Variants in PMVK observed in about 807,000 individuals in gnomAD.
PMVK encodes testis tissue sperm-binding protein Li 95mP.
A neutral mutation model predicts 19.0 loss-of-function variants in PMVK; 10 were observed. The ratio of observed to expected loss-of-function variants is 0.53; its 90% confidence interval spans 0.32 to 0.89. PMVK has a LOEUF of 0.89. Ranked by LOEUF, PMVK falls within the 40% of genes least tolerant of loss-of-function variation. PMVK has a pLI of 0.03. For missense variants in PMVK, 222 were observed against 251.1 expected, an observed-to-expected ratio of 0.88 and a Z score of 0.78; for synonymous variants, 108 against 101.6, an observed-to-expected ratio of 1.06 and a Z score of -0.38.
At chr1:154,941,342 T>G (rs972879020), upstream of PMVK, among the ~76,000 whole-genome samples, 12 of 151,944 alleles carry the variant, frequency 7.9e-5, no homozygotes, top group African/African-American at 2.9e-4. Context: ...CTGGGAGAGG[T>G]GGGACAGGGA....
At chr1:154,940,166 C>T (rs1425085095), upstream of PMVK, among the ~76,000 whole-genome samples, 3 of 152,222 alleles carry the variant, frequency 2.0e-5, no homozygotes, top group African/African-American at 7.2e-5. Context: ...CCTGTTTGAC[C>T]CATGGGCAAT....
chr1:154,932,150 T>C lies in PMVK; in HGVS notation c.159+202A>G, dbSNP rs74116251. 0.025 allele frequency among the ~76,000 whole-genome samples: 3,830 copies of C among 152,160 alleles called. 166 individuals carry two copies. Among genetic ancestry groups the C allele is most frequent in the African/African-American group, 0.089 (3,692 of 41,486 alleles). On this transcript the variant is annotated intron_variant, in intron 2 of 4. Transcript: ENST00000368467. The stretch of plus-strand genomic sequence containing the variant: ...CCTGGGCACACCTTCCTGAACTCAC[T>C]CTGAAGGGAGGGAGGCTATTAGGAA...
intron 1 of PMVK, among the ~76,000 whole-genome samples, chr1:154,934,450 G>C (rs1654439466): frequency 6.6e-6 from 1 of 152,116 alleles, no homozygotes; most frequent in Admixed American, 6.6e-5. Context: ...CTGAGTATCT[G>C]GGATTACTGG....
At chr1:154,935,460 A>C (rs920168677) in intron 1 of PMVK, among the ~76,000 whole-genome samples, 1 of 152,234 alleles carries the variant, frequency 6.6e-6, no homozygotes, top group Admixed American at 6.5e-5. Context: ...TTGCTTTGAC[A>C]GAAAACACTG....
intron 2 of PMVK, among the ~76,000 whole-genome samples, chr1:154,930,870 A>G (rs187311207): frequency 4.4e-4 from 67 of 152,270 alleles, no homozygotes; most frequent in African/African-American, 1.4e-3. Context: ...GGATCACTTG[A>G]GCCCAGGAGT....
chr1:154,926,311 G>A (rs769650160), intron 4 of PMVK, 43 bp downstream of exon 4: 2 of 1,584,118 alleles, frequency 1.3e-6, no homozygotes, highest in Non-Finnish European at 1.7e-6. Context: ...CCACAGGGTG[G>A]GTAGCCTGTG....
At chr1:154,927,581 C>T (rs551326378) in intron 3 of PMVK, among the ~76,000 whole-genome samples, 2 of 151,992 alleles carry the variant, frequency 1.3e-5, no homozygotes, top group South Asian at 4.2e-4. Context: ...CTCTCCTCTG[C>T]TTAGAACGCT....
rs765778315 is a variant in PMVK, at chr1:154,929,057, C to T, written c.279G>A (p.Arg93=). 1.2e-6 allele frequency: 2 copies of T among 1,614,086 alleles called. No individual in the cohort carries two copies. Among genetic ancestry groups the T allele is most frequent in the African/African-American group, 2.7e-5 (2 of 74,936 alleles). Residue 93 remains arginine, a synonymous_variant, in exon 3 of 5, where the codon AGG becomes AGA. Transcript: ENST00000368467. The stretch of plus-strand genomic sequence containing the variant: ...GCTGGGAGATGCCCTCCACAATCTT[C>T]CTGCAAAAGAAGCCTGGGTCAGCCT... The part of the protein sequence containing the change: ...KRQADPGFFC[R]KIVEGISQPI...
At chr1:154,938,613 T>C (rs1654581336), upstream of PMVK, among the ~76,000 whole-genome samples, 2 of 151,906 alleles carry the variant, frequency 1.3e-5, no homozygotes, top group Admixed American at 6.6e-5. Flanking sequence ...AAAAAAAAAC[T>C]TCCCCCATAC....
At chr1:154,941,101 C>T (rs1327342905), upstream of PMVK, among the ~76,000 whole-genome samples, 2 of 152,164 alleles carry the variant, frequency 1.3e-5, no homozygotes, top group Non-Finnish European at 2.9e-5. Context: ...CGGTGGAGAC[C>T]GCCACTCTGG....
At chr1:154,927,666 C>T (rs1654210902) in intron 3 of PMVK, among the ~76,000 whole-genome samples, 1 of 144,234 alleles carries the variant, frequency 6.9e-6, no homozygotes, top group East Asian at 1.9e-4. Context: ...CTGACCTGAC[C>T]TTCCACCACT....
chr1:154,928,014 C>T (rs941696378), intron 3 of PMVK, among the ~76,000 whole-genome samples: 7 of 152,116 alleles, frequency 4.6e-5, no homozygotes, highest in South Asian at 2.1e-4. Flanking sequence ...GATTTCATTG[C>T]GCTTTTGCAC....
intron 3 of PMVK, among the ~76,000 whole-genome samples, chr1:154,927,849 CT>C (rs1226365687): frequency 1.3e-5 from 2 of 152,108 alleles, no homozygotes; most frequent in South Asian, 4.1e-4. Flanking sequence ...CCCAGGCACC[CT>C]TAATAAAACA....
upstream of PMVK, among the ~76,000 whole-genome samples, chr1:154,939,617 G>A (rs1392827201): frequency 1.3e-5 from 2 of 150,550 alleles, no homozygotes; most frequent in Non-Finnish European, 3.0e-5. Flanking sequence ...AGAATGGCGT[G>A]AACCCAGGAG....
the PMVK span, among the ~76,000 whole-genome samples, chr1:154,941,993 G>A: frequency 6.6e-6 from 1 of 152,234 alleles, no homozygotes; most frequent in East Asian, 1.9e-4. Context: ...ATGCAGACTG[G>A]GGACTACCAG....
Position 154,925,188 on chromosome 1 carries a change from C to A in PMVK, c.520G>T (p.Glu174Ter). 6.2e-7 allele frequency: 1 copy of A among 1,613,282 alleles called. No homozygotes were observed. The highest frequency in any genetic ancestry group is 1.7e-4 in the Middle Eastern group (1 of 6,056). ...FDWVIENHGV[E>*]QRLEEQLENL... ...TCCAACTGCTCCTCCAGGCGCTGTTCAACTCCATGGTTCTCGATGACCCAG... is the reference window on the plus strand; with the variant it reads ...TCCAACTGCTCCTCCAGGCGCTGTTAAACTCCATGGTTCTCGATGACCCAG... Residue 174 changes from glutamate (E) to a stop codon, truncating the protein, a stop_gained, in exon 5 of 5, where the codon GAA becomes TAA. Coordinates refer to ENST00000368467, the MANE Select transcript of PMVK (RefSeq NM_006556.4). LOFTEE classifies it high-confidence loss of function.
At chr1:154,934,375 G>A (rs1224304176) in intron 1 of PMVK, among the ~76,000 whole-genome samples, 1 of 152,098 alleles carries the variant, frequency 6.6e-6, no homozygotes, top group African/African-American at 2.4e-5. Context: ...AGAGTGCAGT[G>A]GTATGATCAC....
upstream of PMVK, among the ~76,000 whole-genome samples, chr1:154,938,800 T>G (rs1244962805): frequency 2.0e-5 from 3 of 152,176 alleles, no homozygotes; most frequent in African/African-American, 4.8e-5. Flanking sequence ...CTATGGTTCC[T>G]CTAAGGCTCA....
chr1:154,925,397 C>G (rs1654118082), intron 4 of PMVK, 132 bp from the exon 5 acceptor site: 3 of 876,228 alleles, frequency 3.4e-6, no homozygotes, highest in Admixed American at 2.0e-5. Context: ...GGCTACCCAC[C>G]CAGAAGGCAC....
Sources: allele counts gnomAD v4.1 joint callset (sites outside exome capture counted in the v4.1 genomes callset), GRCh38; gene constraint gnomAD v4.1.1; transcripts MANE v1.5; gene names NCBI Gene and HGNC (gene_info 2026-07-23, HGNC 2026-07-21).